PTPRD: variants seen among roughly 807,000 people sequenced by gnomAD.
PTPRD encodes protein tyrosine phosphatase receptor type D, also known as receptor-type tyrosine-protein phosphatase delta.
In PTPRD, 34 loss-of-function variants were observed where a neutral mutation model predicts 214.5. That is an observed-to-expected ratio of 0.16 (90% CI 0.12 to 0.21). The LOEUF (loss-of-function observed/expected upper bound fraction) is 0.21, where lower values mean the gene tolerates loss of function less well. PTPRD is among the 10% of genes least tolerant of loss of function. The pLI is 1.00. For synonymous variants in PTPRD, 1,128 were observed against 845.7 expected, an observed-to-expected ratio of 1.33 and a Z score of -5.79; for missense variants, 2,545 against 2,398.7, an observed-to-expected ratio of 1.06 and a Z score of -1.27.
chr9:8,335,107 C>T (rs1202256341), intron 43 of PTPRD, among the ~76,000 whole-genome samples: 1 of 146,940 alleles, frequency 6.8e-6, no homozygotes, highest in East Asian at 1.9e-4. Context: ...GAAACTATTC[C>T]AAACAATACA....
rs145552428 is a variant in PTPRD, at chr9:10,122,392, A to C, written c.-544-88602T>G. Among the ~76,000 whole-genome samples the C allele has an allele frequency of 4.6e-5, 7 of 152,326 alleles. No homozygotes were observed. The East Asian group carries it at 1.4e-3, about 29-fold the overall frequency. ...AGTCAATGAAAATAATTTATCCAACAAAAATTATTTTATTTCAAATAGATC... is the reference window on the plus strand; with the variant it reads ...AGTCAATGAAAATAATTTATCCAACCAAAATTATTTTATTTCAAATAGATC... On this transcript the variant is annotated intron_variant, in intron 3 of 45. Coordinates refer to ENST00000381196, the MANE Select transcript of PTPRD (RefSeq NM_002839.4).
At chr9:8,574,811 C>T (rs567246635) in intron 14 of PTPRD, among the ~76,000 whole-genome samples, 10 of 152,034 alleles carry the variant, frequency 6.6e-5, no homozygotes, top group African/African-American at 1.9e-4. Context: ...CAACTCACTG[C>T]TGAACTCCAA....
chr9:10,248,417 G>A (rs866388101), intron 3 of PTPRD, among the ~76,000 whole-genome samples: 1 of 147,540 alleles, frequency 6.8e-6, no homozygotes, highest in African/African-American at 2.5e-5. Context: ...GGGAATGGGC[G>A]AAAATGAGCT....
chr9:8,491,493 T>A (rs1409042721), intron 27 of PTPRD, among the ~76,000 whole-genome samples: 12 of 151,982 alleles, frequency 7.9e-5, no homozygotes. Flanking sequence ...TATTTATAAG[T>A]GTAGGTAAAT....
chr9:8,695,200 C>T (rs1454511009), intron 12 of PTPRD, among the ~76,000 whole-genome samples: 1 of 152,140 alleles, frequency 6.6e-6, no homozygotes, highest in Admixed American at 6.5e-5. Flanking sequence ...GAAAAGGAAA[C>T]ATCTTTGTCT....
chr9:9,545,611 C>A (rs2078608649), intron 8 of PTPRD, among the ~76,000 whole-genome samples: 1 of 151,754 alleles, frequency 6.6e-6, no homozygotes, highest in Non-Finnish European at 1.5e-5. Flanking sequence ...ATTTTTAACT[C>A]TTTTAGGTAA....
chr9:10,582,848 A>G (rs905616011), intron 2 of PTPRD, among the ~76,000 whole-genome samples: 1 of 152,234 alleles, frequency 6.6e-6, no homozygotes, highest in Non-Finnish European at 1.5e-5. Flanking sequence ...ACTAACCTAG[A>G]AAACTACGTC....
intron 11 of PTPRD, among the ~76,000 whole-genome samples, chr9:8,803,641 T>C (rs576210126): frequency 2.0e-5 from 3 of 152,104 alleles, no homozygotes; most frequent in African/African-American, 7.2e-5. Flanking sequence ...GGAGGACTGC[T>C]TGAGTCTAAG....
At chr9:9,227,992 T>C (rs904921912) in intron 9 of PTPRD, among the ~76,000 whole-genome samples, 1 of 152,154 alleles carries the variant, frequency 6.6e-6, no homozygotes. Flanking sequence ...AATGCCCTAT[T>C]TTTCCAAGCA....
chr9:8,509,525 T>C (rs952465745), intron 21 of PTPRD, among the ~76,000 whole-genome samples: 1 of 152,170 alleles, frequency 6.6e-6, no homozygotes, highest in Admixed American at 6.5e-5. Context: ...GGTCAAGAAT[T>C]AGAAACACAG....
intron 7 of PTPRD, among the ~76,000 whole-genome samples, chr9:9,618,544 T>C (rs895203364): frequency 6.6e-6 from 1 of 152,150 alleles, no homozygotes; most frequent in African/African-American, 2.4e-5. Context: ...GAGTAACTGA[T>C]CTTGATGTGG....
At chr9:9,795,690 C>G (rs926444018) in intron 5 of PTPRD, among the ~76,000 whole-genome samples, 1 of 151,958 alleles carries the variant, frequency 6.6e-6, no homozygotes, top group African/African-American at 2.4e-5. Flanking sequence ...TGTGGTAGGA[C>G]AAAAACCTCC....
intron 12 of PTPRD, among the ~76,000 whole-genome samples, chr9:8,681,978 T>C (rs1278755254): frequency 6.6e-6 from 1 of 152,178 alleles, no homozygotes; most frequent in Non-Finnish European, 1.5e-5. Context: ...CAAAAAGTTC[T>C]ACAAACATTT....
At chr9:8,649,987 G>A (rs964902559) in intron 12 of PTPRD, among the ~76,000 whole-genome samples, 2 of 152,008 alleles carry the variant, frequency 1.3e-5, no homozygotes, top group African/African-American at 2.4e-5. Flanking sequence ...GCATAATCAT[G>A]GTTCACTGCA....
At chr9:9,081,172 C>T (rs899732192) in intron 10 of PTPRD, among the ~76,000 whole-genome samples, 1 of 152,186 alleles carries the variant, frequency 6.6e-6, no homozygotes, top group East Asian at 1.9e-4. Flanking sequence ...TTAGCTGTGT[C>T]CCAGAGATTC....
intron 8 of PTPRD, among the ~76,000 whole-genome samples, chr9:9,411,017 T>TC (rs1470903999): frequency 6.6e-6 from 1 of 151,998 alleles, no homozygotes; most frequent in Non-Finnish European, 1.5e-5. Flanking sequence ...TGCTTTTTTT[T>TC]CCCACCACAG....
intron 12 of PTPRD, among the ~76,000 whole-genome samples, chr9:8,716,200 C>G (rs2098434432): frequency 6.6e-6 from 1 of 152,194 alleles, no homozygotes; most frequent in African/African-American, 2.4e-5. Flanking sequence ...AGCCTCTCTC[C>G]CCACCCTTGG....
chr9:8,392,166 C>G (rs2089810198), intron 36 of PTPRD, among the ~76,000 whole-genome samples: 1 of 152,036 alleles, frequency 6.6e-6, no homozygotes, highest in Non-Finnish European at 1.5e-5. Flanking sequence ...AGGAGGATCA[C>G]TTGAGCCCAG....
chr9:9,684,054 A>G (rs1014772816), intron 7 of PTPRD, among the ~76,000 whole-genome samples: 2 of 151,596 alleles, frequency 1.3e-5, no homozygotes, highest in African/African-American at 2.4e-5. Context: ...TGTTTTCACA[A>G]TTTTAAAAGC....
Sources: gnomAD v4.1 joint callset for allele counts (sites outside exome capture counted in the v4.1 genomes callset) on GRCh38, gnomAD v4.1.1 for gene constraint, MANE v1.5 for transcripts, NCBI Gene and HGNC (gene_info 2026-07-23, HGNC 2026-07-21) for gene names.